The following PTPN13 variants were observed in gnomAD, a reference collection of about 807,000 sequenced individuals.
PTPN13 encodes protein tyrosine phosphatase non-receptor type 13.
PTPN13 carries 191 observed loss-of-function variants against 284.0 expected under a neutral mutation model. That is an observed-to-expected ratio of 0.67 (90% CI 0.60 to 0.76). The LOEUF (loss-of-function observed/expected upper bound fraction) is 0.76, where lower values mean the gene tolerates loss of function less well. Among genes scored for constraint, PTPN13 ranks in the 30% least tolerant of loss-of-function variants. The pLI, the probability that PTPN13 is intolerant of heterozygous loss-of-function variation, is 0.00. For missense variants in PTPN13, 2,797 were observed against 2,939.9 expected (o/e 0.95, Z 1.12); for synonymous variants, 986 against 1,022.3 (o/e 0.96, Z 0.68).
chr4:86,672,314 G>T, intron 2 of PTPN13, 51 bp from the exon 3 acceptor site: 5 of 1,414,882 alleles, frequency 3.5e-6, no homozygotes, highest in Non-Finnish European at 4.7e-6. Context: ...ATAATTTTAA[G>T]CAATTTTCTT....
Position 86,682,233 on chromosome 4 carries a change from T to G in PTPN13, c.295-4477T>G, listed in dbSNP as rs1578406079. ...ATCTTTTCATTGAATCCTGTATATATGAATCATCACTATCAAAGGCACCTA... is the reference window on the plus strand; with the variant it reads ...ATCTTTTCATTGAATCCTGTATATAGGAATCATCACTATCAAAGGCACCTA... On this transcript the variant is annotated intron_variant, in intron 3 of 47. Coordinates refer to ENST00000411767, the MANE Select transcript of PTPN13 (RefSeq NM_080683.3). Among the ~76,000 whole-genome samples the G allele has an allele frequency of 3.3e-5, 5 of 152,284 alleles. No individual in the cohort carries two copies. In the East Asian group the frequency reaches 9.7e-4, roughly 30 times the overall value.
At chr4:86,666,650 G>T (rs72503719) in intron 2 of PTPN13, among the ~76,000 whole-genome samples, 1 of 152,110 alleles carries the variant, frequency 6.6e-6, no homozygotes, top group Non-Finnish European at 1.5e-5. Flanking sequence ...AGAGACTCCC[G>T]AATTGGAATT....
At chr4:86,654,758 T>C (rs575257239) in intron 2 of PTPN13, among the ~76,000 whole-genome samples, 83 of 152,316 alleles carry the variant, frequency 5.4e-4, no homozygotes, top group South Asian at 1.0e-3. Flanking sequence ...CTATTAGGTC[T>C]GCTTGGTGCA....
At position 86,716,555 on chromosome 4, in the gene PTPN13, T is replaced by C. The variant is rs369390845; in HGVS notation, c.1221T>C (p.Tyr407=). ...AACCAGTTCGAAGATACAAAACTTA[T>C]CATGGTGATGTCTTTAGTACCTCCA... ...VEEPVRRYKT[Y]HGDVFSTSSE... is the part of the protein sequence containing the mutation. Residue 407 remains tyrosine, a synonymous_variant, in exon 8 of 48, where the codon TAT becomes TAC. Transcript: ENST00000411767. The C allele has an allele frequency of 9.0e-5, 143 of 1,593,018 alleles. No homozygotes were observed. The highest frequency in any genetic ancestry group is 1.2e-4 in the Non-Finnish European group (138 of 1,170,502).
At chr4:86,722,586 C>CT (rs1311515878) in intron 10 of PTPN13, among the ~76,000 whole-genome samples, 152 bp downstream of exon 10, 1 of 152,006 alleles carries the variant, frequency 6.6e-6, no homozygotes, top group Non-Finnish European at 1.5e-5. Flanking sequence ...GATTAAATAT[C>CT]TTTTTGGTTG....
intron 2 of PTPN13, among the ~76,000 whole-genome samples, chr4:86,645,907 ACT>A (rs1724370873): frequency 6.6e-6 from 1 of 152,144 alleles, no homozygotes; most frequent in East Asian, 1.9e-4. Flanking sequence ...ATGTTTAAGG[ACT>A]CTCACTACCT....
intron 16 of PTPN13, among the ~76,000 whole-genome samples, chr4:86,744,438 A>T (rs1275481411): frequency 6.6e-6 from 1 of 152,194 alleles, no homozygotes; most frequent in East Asian, 1.9e-4. Flanking sequence ...TCCCTTGTTA[A>T]TGACTGATAT....
intron 24 of PTPN13, 142 bp downstream of exon 24, chr4:86,763,332 A>T: frequency 1.3e-6 from 1 of 748,570 alleles, no homozygotes; most frequent in Non-Finnish European, 2.1e-6. Flanking sequence ...TTGCTACTGC[A>T]TTTGATGCTA....
intron 1 of PTPN13, among the ~76,000 whole-genome samples, chr4:86,625,350 T>A (rs1565172207): frequency 6.6e-6 from 1 of 152,044 alleles, no homozygotes; most frequent in Non-Finnish European, 1.5e-5. Flanking sequence ...AACCCCCTTA[T>A]ATCTTCTTTA....
At position 86,594,488 on chromosome 4, in the gene PTPN13, A is replaced by C. The variant is rs567966865; in HGVS notation, c.-307A>C. 2 of 152,506 alleles carry C rather than the reference A, an allele frequency of 1.3e-5. No individual in the cohort carries two copies. The highest frequency in any genetic ancestry group is 4.2e-4 in the South Asian group (2 of 4,814). The allele number at this position is 152,506 out of a possible 1,614,324, so 9.4% of individuals were successfully genotyped here. On this transcript the variant is annotated 5_prime_UTR_variant, in exon 1 of 48. Coordinates refer to ENST00000411767, the MANE Select transcript of PTPN13 (RefSeq NM_080683.3). The stretch of plus-strand genomic sequence containing the variant: ...CAGAAGGTTTTGGCGAAGCTCTTGG[A>C]GAGGCGTCGAGCACAGTAGGGCGGC...
chr4:86,617,206 T>G (rs1565153500), intron 1 of PTPN13, among the ~76,000 whole-genome samples: 1 of 152,146 alleles, frequency 6.6e-6, no homozygotes, highest in Non-Finnish European at 1.5e-5. Context: ...TAGCCACAAG[T>G]TCCCTGTGGC....
At chr4:86,722,184 C>T (rs1285040299) in intron 9 of PTPN13, 28 bp from the exon 10 acceptor site, 5 of 1,564,292 alleles carry the variant, frequency 3.2e-6, no homozygotes, top group Admixed American at 3.4e-5. Flanking sequence ...TCCTCCCAAT[C>T]CTCACCTGTC....
At chr4:86,638,995 C>T (rs978072975) in intron 2 of PTPN13, among the ~76,000 whole-genome samples, 2 of 151,792 alleles carry the variant, frequency 1.3e-5, no homozygotes, top group African/African-American at 4.8e-5. Flanking sequence ...AAAAAAACAA[C>T]CCCATCAAAA....
intron 1 of PTPN13, among the ~76,000 whole-genome samples, chr4:86,616,421 G>A (rs758805620): frequency 1.3e-5 from 2 of 151,928 alleles, no homozygotes; most frequent in Non-Finnish European, 2.9e-5. Context: ...CAGCTCAGAC[G>A]TGGATATTTC....
chr4:86,785,839 C>T lies in PTPN13; in HGVS notation c.6257-9C>T. 1 of 1,519,786 alleles carries T rather than the reference C, an allele frequency of 6.6e-7. No individual in the cohort carries two copies. The highest frequency in any genetic ancestry group is 8.9e-7 in the Non-Finnish European group (1 of 1,122,446). The allele number at this position is 1,519,786 out of a possible 1,614,324, so 94.1% of individuals were successfully genotyped here. A position where few individuals can be genotyped will look rare whatever the true frequency, so the allele number is the denominator to read the frequency against. On this transcript the variant is annotated splice_polypyrimidine_tract_variant and intron_variant, in intron 39 of 47. Transcript: ENST00000411767. ...TAAATTCCTCTTGGCCTATATATTC[C>T]TCTCTCAGGTACATTAAAGATGAAT...
intron 3 of PTPN13, among the ~76,000 whole-genome samples, chr4:86,674,051 T>C (rs1192468893): frequency 6.6e-6 from 1 of 152,164 alleles, no homozygotes; most frequent in Non-Finnish European, 1.5e-5. Flanking sequence ...AATGGCATAA[T>C]GATTTATTTG....
intron 9 of PTPN13, among the ~76,000 whole-genome samples, chr4:86,717,494 T>A (rs1321991902): frequency 6.6e-6 from 1 of 152,158 alleles, no homozygotes; most frequent in Non-Finnish European, 1.5e-5. Context: ...TTTGTTTTTT[T>A]ACTATCCTTT....
intron 2 of PTPN13, among the ~76,000 whole-genome samples, chr4:86,652,169 AT>A (rs1354267956): frequency 6.6e-6 from 1 of 151,762 alleles, no homozygotes; most frequent in Non-Finnish European, 1.5e-5. Context: ...AATTTTAATA[AT>A]TTTTGCTCTG....
At chr4:86,605,758 A>G (rs1764689505) in intron 1 of PTPN13, among the ~76,000 whole-genome samples, 1 of 151,888 alleles carries the variant, frequency 6.6e-6, no homozygotes, top group Admixed American at 6.6e-5. Flanking sequence ...ACTTAGTGAT[A>G]GTATCTTCAG....
Sources: allele counts gnomAD v4.1 joint callset (sites outside exome capture counted in the v4.1 genomes callset), GRCh38; gene constraint gnomAD v4.1.1; transcripts MANE v1.5; gene names NCBI Gene and HGNC (gene_info 2026-07-23, HGNC 2026-07-21).